Variants in FAR2 observed in about 807,000 individuals in gnomAD.
FAR2 encodes fatty acyl-CoA reductase 2.
Under a neutral mutation model 56.0 loss-of-function variants are expected in FAR2, and 19 were observed. The observed-to-expected ratio is 0.34, with a 90% CI of 0.24 to 0.50. The LOEUF (loss-of-function observed/expected upper bound fraction) is 0.50. Ranked by LOEUF, FAR2 falls within the 20% of genes least tolerant of loss-of-function variation. FAR2 has a pLI of 0.98. For missense variants in FAR2, 508 were observed against 642.2 expected, an observed-to-expected ratio of 0.79 and a Z score of 2.26; for synonymous variants, 219 against 218.8, an observed-to-expected ratio of 1.00 and a Z score of -0.01.
chr12:29,153,862 C>A (rs1351795462), intron 1 of FAR2, among the ~76,000 whole-genome samples: 1 of 152,000 alleles, frequency 6.6e-6, no homozygotes, highest in Non-Finnish European at 1.5e-5. Flanking sequence ...CTGCTAAATG[C>A]TTATAATCCA....
At position 29,270,657 on chromosome 12, in the gene FAR2, C is replaced by A; in HGVS notation, c.189+19C>A. 1 of 1,581,978 alleles carries A rather than the reference C, an allele frequency of 6.3e-7. No homozygotes were observed. The highest frequency in any genetic ancestry group is 1.7e-5 in the Admixed American group (1 of 58,352). On this transcript the variant is annotated intron_variant, in intron 2 of 11. Coordinates refer to ENST00000536681, the MANE Select transcript of FAR2 (RefSeq NM_001271783.2). ...CAGTAAGGTATGCCTTATAGGAAAG[C>A]GTGTGTGATGGGCAATGCCTTAGGG...
chr12:29,288,990 A>G (rs1285393200), intron 2 of FAR2, among the ~76,000 whole-genome samples: 2 of 152,188 alleles, frequency 1.3e-5, no homozygotes, highest in African/African-American at 4.8e-5. Flanking sequence ...AGAGAAGTGA[A>G]AGATCTCTAT....
intron 1 of FAR2, among the ~76,000 whole-genome samples, chr12:29,258,712 C>A (rs1451454805): frequency 1.3e-5 from 2 of 152,170 alleles, no homozygotes; most frequent in South Asian, 2.1e-4. Flanking sequence ...TAGAGTCATC[C>A]ATATACAGCA....
chr12:29,255,616 T>C (rs1948305020), intron 1 of FAR2, among the ~76,000 whole-genome samples: 3 of 151,944 alleles, frequency 2.0e-5, no homozygotes, highest in African/African-American at 7.3e-5. Context: ...TACTTTCTTT[T>C]TTCTTTTTTT....
chr12:29,167,891 C>T (rs1949844883), intron 1 of FAR2, among the ~76,000 whole-genome samples: 2 of 152,114 alleles, frequency 1.3e-5, no homozygotes, highest in Admixed American at 1.3e-4. Flanking sequence ...TATTACACCT[C>T]GTGTAAGAAA....
At chr12:29,261,567 G>T (rs1948418645) in intron 1 of FAR2, among the ~76,000 whole-genome samples, 1 of 152,120 alleles carries the variant, frequency 6.6e-6, no homozygotes, top group South Asian at 2.1e-4. Context: ...CAAGTATAAG[G>T]AGGTTATAGA....
At chr12:29,331,418 A>G (rs1243801987) in intron 10 of FAR2, 2 of 151,878 alleles carry the variant, frequency 1.3e-5, no homozygotes, top group Non-Finnish European at 2.9e-5. Flanking sequence ...ATGAAATAAA[A>G]CTCTATTGAA....
intron 3 of FAR2, among the ~76,000 whole-genome samples, chr12:29,296,516 T>C (rs1226087308): frequency 6.6e-6 from 1 of 152,252 alleles, no homozygotes; most frequent in Non-Finnish European, 1.5e-5. Context: ...TATCACATAC[T>C]GTTTATATAG....
intron 1 of FAR2, among the ~76,000 whole-genome samples, chr12:29,195,082 A>G (rs1950134255): frequency 6.6e-6 from 1 of 152,178 alleles, no homozygotes; most frequent in Non-Finnish European, 1.5e-5. Flanking sequence ...TAGGAAAGAG[A>G]AGCCCTATAA....
chr12:29,295,398 C>T (rs548894947), intron 3 of FAR2, among the ~76,000 whole-genome samples: 1 of 152,092 alleles, frequency 6.6e-6, no homozygotes, highest in East Asian at 1.9e-4. Flanking sequence ...ATAGAATTTT[C>T]CTTACTGTTC....
In FAR2 at chr12:29,311,094, G is replaced by A. The variant is rs779433424; in HGVS notation, c.835G>A (p.Asp279Asn). 1.9e-6 allele frequency: 3 copies of A among 1,613,494 alleles called. No homozygotes were observed. Among genetic ancestry groups the A allele is most frequent in the Non-Finnish European group, 2.5e-6 (3 of 1,179,656 alleles). The part of the protein sequence containing the change: ...PMAVADVIPV[D>N]TVVNLMLAVG... ...GGCTGTGGCAGACGTAATTCCAGTTGATACAGTCGTCAATCTCATGCTAGC... is the reference window on the plus strand; with the variant it reads ...GGCTGTGGCAGACGTAATTCCAGTTAATACAGTCGTCAATCTCATGCTAGC... Residue 279 changes from aspartate to asparagine, a missense_variant, in exon 7 of 12, where the codon GAT becomes AAT. By Grantham distance (23) the Asp-to-Asn change is conservative. Coordinates refer to ENST00000536681, the MANE Select transcript of FAR2 (RefSeq NM_001271783.2).
At chr12:29,320,705 T>C (rs2136810336) in intron 9 of FAR2, among the ~76,000 whole-genome samples, 1 of 152,326 alleles carries the variant, frequency 6.6e-6, no homozygotes, top group East Asian at 1.9e-4. Flanking sequence ...CTCTGTAAAA[T>C]GGAGATACAT....
At chr12:29,179,553 A>G (rs988249332) in intron 1 of FAR2, among the ~76,000 whole-genome samples, 6 of 152,106 alleles carry the variant, frequency 3.9e-5, no homozygotes, top group Non-Finnish European at 1.5e-5. Context: ...TGGCATTCAC[A>G]CCCCGACCTA....
At chr12:29,242,492 A>G (rs1240753292) in intron 1 of FAR2, among the ~76,000 whole-genome samples, 1 of 152,232 alleles carries the variant, frequency 6.6e-6, no homozygotes, top group East Asian at 1.9e-4. Context: ...TGACACAGTG[A>G]CAGTACAGAG....
chr12:29,293,033 T>G, intron 2 of FAR2: 1 of 228,024 alleles, frequency 4.4e-6, no homozygotes. Context: ...GCCTGGCTAA[T>G]TTTTTGTATT....
At chr12:29,205,230 ATAGTACTTGT>A (rs1947465905) in intron 1 of FAR2, among the ~76,000 whole-genome samples, 1 of 152,202 alleles carries the variant, frequency 6.6e-6, no homozygotes. Context: ...TGTCCAGGAA[ATAGTACTTGT>A]TTGTCGCTTA....
intron 1 of FAR2, among the ~76,000 whole-genome samples, chr12:29,216,914 C>G (rs74800558): frequency 2.0e-5 from 3 of 152,308 alleles, no homozygotes; most frequent in African/African-American, 7.2e-5. Context: ...CAGATATTCA[C>G]AGTACTTTGC....
At chr12:29,188,294 G>T (rs1950063739) in intron 1 of FAR2, among the ~76,000 whole-genome samples, 1 of 151,662 alleles carries the variant, frequency 6.6e-6, no homozygotes, top group African/African-American at 2.4e-5. Context: ...TTTAGCTTCG[G>T]GTCTATCACC....
Position 29,180,761 on chromosome 12 carries a change from CT to C in FAR2, c.-39+31355del, listed in dbSNP as rs529623464. Among the ~76,000 whole-genome samples the C allele has an allele frequency of 2.6e-4, 39 of 151,446 alleles. No individual in the cohort carries two copies. In the South Asian group the frequency reaches 5.9e-3, roughly 23 times the overall value. ...TCTATCTATCTATCTATCTATCTAT[CT>C]ATCTATCTATTCTCTATCTGTAAAA... On this transcript the variant is annotated intron_variant, in intron 1 of 11. Transcript: ENST00000536681.
Sources: gnomAD v4.1 joint callset for allele counts (sites outside exome capture counted in the v4.1 genomes callset) on GRCh38, gnomAD v4.1.1 for gene constraint, MANE v1.5 for transcripts, NCBI Gene and HGNC (gene_info 2026-07-23, HGNC 2026-07-21) for gene names.